PHF10: variants seen among roughly 807,000 people sequenced by gnomAD.
PHF10 encodes the protein PHD finger protein 10.
PHF10 carries 51 observed loss-of-function variants against 68.5 expected under a neutral mutation model. The observed-to-expected ratio is 0.74, with a 90% CI of 0.59 to 0.94. PHF10 has a LOEUF of 0.94. PHF10 is among the 40% of genes least tolerant of loss of function. The pLI is 0.00. For synonymous variants in PHF10, 204 were observed against 203.5 expected (o/e 1.00, Z -0.02); for missense variants, 460 against 602.6 (o/e 0.76, Z 2.48).
chr6:169,715,843 C>T lies in PHF10; in HGVS notation c.558G>A (p.Gln186=), dbSNP rs1344660394. 3.2e-5 allele frequency: 52 copies of T among 1,610,224 alleles called. No homozygotes were observed. Among genetic ancestry groups the T allele is most frequent in the Non-Finnish European group, 4.2e-5 (50 of 1,178,644 alleles). ...HYKEYSQMQQ[Q]NTQKVEASKV... ...TACTGGCTTCAACTTTCTGAGTATT[C>T]TGTTGTTGCATTTGCTGGAAAAAAA... is the stretch of plus-strand genomic sequence containing the variant. Residue 186 remains glutamine, a synonymous_variant, in exon 6 of 12, where the codon CAG becomes CAA. Transcript: ENST00000339209.
At chr6:169,718,982 T>G in intron 2 of PHF10, 64 bp from the exon 3 acceptor site, 1 of 1,100,826 alleles carries the variant, frequency 9.1e-7, no homozygotes, top group Non-Finnish European at 1.3e-6. Context: ...TCACTTTTAT[T>G]GAGGATATTT....
chr6:169,722,592 G>A (rs973155519), intron 1 of PHF10, among the ~76,000 whole-genome samples: 3 of 152,156 alleles, frequency 2.0e-5, no homozygotes, highest in Non-Finnish European at 2.9e-5. Flanking sequence ...CTAGGCAAAG[G>A]CATTATTATA....
chr6:169,705,593 T>TAA (rs1201839667), intron 10 of PHF10, 23 bp downstream of exon 10: 28 of 1,185,174 alleles, frequency 2.4e-5, no homozygotes, highest in Non-Finnish European at 3.3e-5. Context: ...GTTAAAATTT[T>TAA]AAAAAGACAT....
chr6:169,710,457 A>G, intron 8 of PHF10, 66 bp from the exon 9 acceptor site: 1 of 1,081,860 alleles, frequency 9.2e-7, no homozygotes, highest in East Asian at 2.4e-5. Flanking sequence ...TGGATTTTGA[A>G]AACTATGGAA....
chr6:169,713,501 G>A (rs1257784580), intron 7 of PHF10, among the ~76,000 whole-genome samples: 1 of 150,996 alleles, frequency 6.6e-6, no homozygotes, highest in African/African-American at 2.4e-5. Flanking sequence ...TCGGGAAGCT[G>A]AAGCAGGAGA....
chr6:169,713,271 CTT>C (rs1489056839), intron 7 of PHF10, among the ~76,000 whole-genome samples: 3 of 152,158 alleles, frequency 2.0e-5, no homozygotes, highest in African/African-American at 4.8e-5. Context: ...TTGCATATGA[CTT>C]TTAATAATTT....
At chr6:169,712,359 C>T in intron 8 of PHF10, 27 bp downstream of exon 8, 1 of 1,598,684 alleles carries the variant, frequency 6.3e-7, no homozygotes, top group Non-Finnish European at 8.6e-7. Flanking sequence ...AAAGGAAATG[C>T]TTCCTACTAG....
chr6:169,703,934 A>G lies in PHF10; in HGVS notation c.*69T>C. On this transcript the variant is annotated 3_prime_UTR_variant, in exon 12 of 12. Coordinates refer to ENST00000339209, the MANE Select transcript of PHF10 (RefSeq NM_018288.4). ...CAAAAAAAATCTTTTATTGGCATGAAAATAATGTTGTAAATGGCACCAAAT... is the reference window on the plus strand; with the variant it reads ...CAAAAAAAATCTTTTATTGGCATGAGAATAATGTTGTAAATGGCACCAAAT... The G allele has an allele frequency of 3.2e-6, 4 of 1,265,030 alleles. No homozygotes were observed. The highest frequency in any genetic ancestry group is 4.4e-6 in the Non-Finnish European group (4 of 913,458). The allele number at this position is 1,265,030 out of a possible 1,614,324, so 78.4% of individuals were successfully genotyped here.
intron 7 of PHF10, among the ~76,000 whole-genome samples, chr6:169,713,596 C>T (rs2128330038): frequency 7.4e-6 from 1 of 135,796 alleles, no homozygotes; most frequent in South Asian, 2.3e-4. Flanking sequence ...GAGACTCCAT[C>T]TCAAAAAAAA....
intron 6 of PHF10, among the ~76,000 whole-genome samples, chr6:169,715,364 G>GGT (rs1434709314): frequency 1.3e-5 from 2 of 152,058 alleles, no homozygotes; most frequent in African/African-American, 4.8e-5. Context: ...AGAACACGCA[G>GGT]GTGTCAGCAT....
chr6:169,724,449 GGCC>G lies in PHF10; in HGVS notation c.-521_-519del, dbSNP rs1789278720. 1.1e-5 allele frequency among the ~76,000 whole-genome samples: 1 copy of G among 87,184 alleles called. No homozygotes were observed. Among genetic ancestry groups the G allele is most frequent in the African/African-American group, 4.7e-5 (1 of 21,268 alleles). The allele number at this position is 87,184 out of a possible 152,430, so 57.2% of individuals were successfully genotyped here. A position where few individuals can be genotyped will look rare whatever the true frequency, so the allele number is the denominator to read the frequency against. On this transcript the variant is annotated 5_prime_UTR_variant, in exon 1 of 12. Coordinates refer to ENST00000339209, the MANE Select transcript of PHF10 (RefSeq NM_018288.4). Reference sequence around the variant, plus strand: ...GCCCCGCCGCTCCCCTCAGCCCCGCGGCCGCCTCAGCCCCGCCGCCGCCTGGCT... The same window carrying G: ...GCCCCGCCGCTCCCCTCAGCCCCGCGGCCTCAGCCCCGCCGCCGCCTGGCT...
rs1336569236 is a variant in PHF10 at position 169,724,380 on chromosome 6, C to CTCGCTCGCCTCAGCCCCGCCGCT, written c.-450_-449insAGCGGCGGGGCTGAGGCGAGCGA. Among the ~76,000 whole-genome samples, 2 of 77,176 alleles carry CTCGCTCGCCTCAGCCCCGCCGCT rather than the reference C, an allele frequency of 2.6e-5. No individual in the cohort carries two copies. The highest frequency in any genetic ancestry group is 3.6e-4 in the Admixed American group (2 of 5,622). The allele number at this position is 77,176 out of a possible 152,430, so 50.6% of individuals were successfully genotyped here. On this transcript the variant is annotated 5_prime_UTR_variant, in exon 1 of 12. Transcript: ENST00000339209. ...CCGCTCGCTCGCCTCAGCCCCGCGG[C>CTCGCTCGCCTCAGCCCCGCCGCT]CGCCTCAGCCCCGCCGCTCGCCTCA...
chr6:169,712,649 T>G, intron 7 of PHF10, 110 bp from the exon 8 acceptor site: 1 of 842,730 alleles, frequency 1.2e-6, no homozygotes. Context: ...CCGAAGACTT[T>G]TGAAAACTAG....
intron 4 of PHF10, among the ~76,000 whole-genome samples, chr6:169,716,321 C>G (rs182340833): frequency 9.7e-4 from 148 of 152,080 alleles, no homozygotes; most frequent in African/African-American, 3.5e-3. Context: ...TTCAACCAAA[C>G]AAGTTTATTT....
chr6:169,712,468 A>T lies in PHF10; in HGVS notation c.875T>A (p.Leu292His). 1.2e-6 allele frequency: 2 copies of T among 1,613,848 alleles called. No homozygotes were observed. Among genetic ancestry groups the T allele is most frequent in the Non-Finnish European group, 1.7e-6 (2 of 1,179,742 alleles). Residue 292 changes from leucine (L) to histidine (H), a missense_variant, in exon 8 of 12, where the codon CTC (leucine) becomes CAC (histidine). Around this residue, in one of 3 missense-constraint regions of PHF10, gnomAD observed 256 missense variants for 410.5 expected, o/e 0.62. Transcript: ENST00000339209. ...ALYEPPLDPE[L>H]PALDSDGDSD... is the part of the protein sequence containing the mutation. ...ATCACCATCACTGTCTAGAGCAGGGAGCTCAGGATCCAGAGGGGGCTCATA... is the reference window on the plus strand; with the variant it reads ...ATCACCATCACTGTCTAGAGCAGGGTGCTCAGGATCCAGAGGGGGCTCATA...
Position 169,705,186 on chromosome 6 carries a change from A to ATATC in PHF10, c.1354_1357dup (p.Met453ArgfsTer4). On this transcript the variant is annotated frameshift_variant, in exon 11 of 12. Coordinates refer to ENST00000339209, the MANE Select transcript of PHF10 (RefSeq NM_018288.4). LOFTEE classifies it high-confidence loss of function. ...AAAAGTATGATAACCTCTGTCACAC[A>ATATC]TATCACAGAACATCATTTCTTCTTC... The ATATC allele has an allele frequency of 6.2e-7, 1 of 1,613,652 alleles. No individual in the cohort carries two copies. Among genetic ancestry groups the ATATC allele is most frequent in the South Asian group, 1.1e-5 (1 of 90,986 alleles).
chr6:169,709,254 C>T (rs892616848), intron 9 of PHF10: 2 of 152,114 alleles, frequency 1.3e-5, no homozygotes, highest in South Asian at 2.1e-4. Flanking sequence ...TTATTTACCA[C>T]AATCACAGTT....
intron 6 of PHF10, 96 bp downstream of exon 6, chr6:169,715,612 G>T (rs1225849625): frequency 1.9e-6 from 2 of 1,030,136 alleles, no homozygotes; most frequent in African/African-American, 1.6e-5. Flanking sequence ...CACACACATA[G>T]GTGGTACAAA....
chr6:169,706,393 AAAT>A (rs1788790820), intron 9 of PHF10, among the ~76,000 whole-genome samples: 1 of 152,212 alleles, frequency 6.6e-6, no homozygotes, highest in Admixed American at 6.5e-5. Context: ...TAAAAGGGAA[AAAT>A]AAGTTTTCAG....
Sources: allele counts gnomAD v4.1 joint callset (sites outside exome capture counted in the v4.1 genomes callset), GRCh38; gene constraint gnomAD v4.1.1; regional missense constraint gnomAD v4.1.1; transcripts MANE v1.5; gene names NCBI Gene and HGNC (gene_info 2026-07-23, HGNC 2026-07-21).